Variants in SEMA5A observed in about 807,000 individuals in gnomAD.
The protein encoded by SEMA5A is semaphorin 5A.
SEMA5A carries 55 observed loss-of-function variants against 135.5 expected under a neutral mutation model. That is an observed-to-expected ratio of 0.41 (90% CI 0.33 to 0.51). The LOEUF (loss-of-function observed/expected upper bound fraction) is 0.51, where lower values mean the gene tolerates loss of function less well. SEMA5A is among the 20% of genes least tolerant of loss of function. The pLI, the probability that SEMA5A is intolerant of heterozygous loss-of-function variation, is 0.37. For missense variants in SEMA5A, 1,290 were observed against 1,419.9 expected (o/e 0.91, Z 1.47); for synonymous variants, 580 against 546.5 (o/e 1.06, Z -0.85).
chr5:9,235,100 T>C (rs185095543), intron 6 of SEMA5A, among the ~76,000 whole-genome samples: 21 of 152,306 alleles, frequency 1.4e-4, no homozygotes, highest in African/African-American at 4.6e-4. Context: ...CTTTGTAAAT[T>C]ATGGACTTCC....
At position 9,154,093 on chromosome 5, in the gene SEMA5A, A is replaced by ATGTGTGTGTGTGTG. The variant is rs1553993817; in HGVS notation, c.1481+394_1481+395insCACACACACACACA. Among the ~76,000 whole-genome samples, 99 of 73,430 alleles carry ATGTGTGTGTGTGTG rather than the reference A, an allele frequency of 1.3e-3. 2 individuals are homozygous for ATGTGTGTGTGTGTG. The highest frequency in any genetic ancestry group is 7.6e-3 in the Middle Eastern group (1 of 132). 48.2% of individuals were successfully genotyped at this position (73,430 alleles called of 152,430 possible). On this transcript the variant is annotated intron_variant, in intron 12 of 22. Transcript: ENST00000382496. Reference sequence around the variant, plus strand: ...TATATATATATATATATATATATATATGTGTGTGTGTGTATGTGTGTGTAT... The same window carrying ATGTGTGTGTGTGTG: ...TATATATATATATATATATATATATATGTGTGTGTGTGTGTGTGTGTGTGTGTATGTGTGTGTAT...
At chr5:9,231,095 A>G (rs185248) in intron 6 of SEMA5A, among the ~76,000 whole-genome samples, 25,348 of 151,160 alleles carry the variant, frequency 0.17, 2,226 homozygotes, top group Middle Eastern at 0.27. Flanking sequence ...AAACACAGGG[A>G]AAAAAAAGAA....
chr5:9,431,336 A>T (rs35358499), intron 2 of SEMA5A, among the ~76,000 whole-genome samples: 9,795 of 152,270 alleles, frequency 0.064, 382 homozygotes, highest in Middle Eastern at 0.1. Flanking sequence ...TAAGTGCACT[A>T]TTCTTAGATA....
intron 16 of SEMA5A, among the ~76,000 whole-genome samples, chr5:9,084,676 C>T (rs953055357): frequency 6.6e-6 from 1 of 152,130 alleles, no homozygotes; most frequent in African/African-American, 2.4e-5. Context: ...TGTAAATTCC[C>T]TTGTCTTGGG....
At chr5:9,357,290 A>G (rs1754492010) in intron 3 of SEMA5A, among the ~76,000 whole-genome samples, 1 of 152,232 alleles carries the variant, frequency 6.6e-6, no homozygotes, top group South Asian at 2.1e-4. Flanking sequence ...TGTCCACCAA[A>G]GGATGTGTAG....
chr5:9,502,523 G>A (rs982585819), intron 1 of SEMA5A, among the ~76,000 whole-genome samples: 1 of 152,118 alleles, frequency 6.6e-6, no homozygotes, highest in Admixed American at 6.5e-5. Flanking sequence ...GCCTGGAGTC[G>A]CTTTCAGCTG....
intron 11 of SEMA5A, among the ~76,000 whole-genome samples, chr5:9,173,395 C>T (rs1744033755): frequency 6.6e-6 from 1 of 150,494 alleles, no homozygotes; most frequent in South Asian, 2.1e-4. Flanking sequence ...GACAAAATAC[C>T]ATAGACTGGG....
In SEMA5A at chr5:9,472,066, T is replaced by C. The variant is rs376061626; in HGVS notation, c.-174-34214A>G. Among the ~76,000 whole-genome samples, 9 of 152,364 alleles carry C rather than the reference T, an allele frequency of 5.9e-5. No homozygotes were observed. In the East Asian group the frequency reaches 1.7e-3, roughly 29 times the overall value. On this transcript the variant is annotated intron_variant, in intron 1 of 22. Transcript: ENST00000382496. ...AACGTGCAGGTTTGTTACATATGTA[T>C]ACATGTGCCATGTTGGTGTGCTGCA...
intron 12 of SEMA5A, among the ~76,000 whole-genome samples, chr5:9,144,119 T>C (rs1259447369): frequency 2.0e-5 from 3 of 152,160 alleles, no homozygotes; most frequent in African/African-American, 7.2e-5. Flanking sequence ...ACCCACACCA[T>C]TGGTATTCCA....
chr5:9,093,444 C>T (rs1303687378), intron 16 of SEMA5A, among the ~76,000 whole-genome samples: 1 of 152,212 alleles, frequency 6.6e-6, no homozygotes, highest in African/African-American at 2.4e-5. Context: ...CGTGGTAGCT[C>T]ATGCCTATAA....
At chr5:9,061,643 A>C (rs2150064107) in intron 18 of SEMA5A, among the ~76,000 whole-genome samples, 1 of 152,260 alleles carries the variant, frequency 6.6e-6, no homozygotes, top group Admixed American at 6.5e-5. Flanking sequence ...TTAAAGGGAA[A>C]GATGGAGGAG....
chr5:9,139,746 G>T (rs1741961167), intron 12 of SEMA5A, among the ~76,000 whole-genome samples: 1 of 152,086 alleles, frequency 6.6e-6, no homozygotes, highest in Admixed American at 6.5e-5. Context: ...TAAAACTTAT[G>T]AACACTTTTC....
chr5:9,304,390 A>G (rs1011675033), intron 5 of SEMA5A, among the ~76,000 whole-genome samples: 15 of 152,040 alleles, frequency 9.9e-5, no homozygotes, highest in African/African-American at 3.6e-4. Context: ...ATTTTTTGTG[A>G]ATTCTTTATC....
At chr5:9,155,690 C>A (rs1305375679) in intron 11 of SEMA5A, among the ~76,000 whole-genome samples, 1 of 152,142 alleles carries the variant, frequency 6.6e-6, no homozygotes, top group Non-Finnish European at 1.5e-5. Context: ...AGGAGTTATT[C>A]TAAAACCAGA....
chr5:9,317,251 TATC>T (rs1222033446), intron 5 of SEMA5A, among the ~76,000 whole-genome samples: 3 of 152,224 alleles, frequency 2.0e-5, no homozygotes, highest in African/African-American at 4.8e-5. Context: ...TATTATTTAT[TATC>T]ATCACTTTAA....
intron 4 of SEMA5A, among the ~76,000 whole-genome samples, chr5:9,324,200 C>G (rs1490384858): frequency 6.6e-6 from 1 of 152,038 alleles, no homozygotes; most frequent in Non-Finnish European, 1.5e-5. Flanking sequence ...TCCCGAGTAG[C>G]TGGGACTACA....
At chr5:9,349,901 C>CA (rs983880517) in intron 3 of SEMA5A, among the ~76,000 whole-genome samples, 10 of 150,060 alleles carry the variant, frequency 6.7e-5, no homozygotes, top group South Asian at 4.2e-4. Context: ...GATTCCATCT[C>CA]AAAAAAACAA....
chr5:9,231,398 C>A (rs141658684), intron 6 of SEMA5A, among the ~76,000 whole-genome samples: 1 of 125,186 alleles, frequency 8.0e-6, no homozygotes, highest in African/African-American at 3.0e-5. Context: ...ACTCAGGAGG[C>A]GGAGCTTACA....
intron 8 of SEMA5A, among the ~76,000 whole-genome samples, chr5:9,223,888 T>C (rs982942152): frequency 2.0e-5 from 3 of 152,162 alleles, no homozygotes; most frequent in Non-Finnish European, 4.4e-5. Flanking sequence ...CATCTTCTGA[T>C]TGCTCAGTAA....
Sources: gnomAD v4.1 joint callset for allele counts (sites outside exome capture counted in the v4.1 genomes callset) on GRCh38, gnomAD v4.1.1 for gene constraint, MANE v1.5 for transcripts, NCBI Gene and HGNC (gene_info 2026-07-23, HGNC 2026-07-21) for gene names.